RNLS: variants seen among roughly 807,000 people sequenced by gnomAD.
RNLS encodes renalase.
A neutral mutation model predicts 39.8 loss-of-function variants in RNLS; 39 were observed. The observed-to-expected ratio is 0.98, with a 90% CI of 0.76 to 1.28. The LOEUF (loss-of-function observed/expected upper bound fraction) is 1.28, where lower values mean the gene tolerates loss of function less well. RNLS is among the 50% of genes most tolerant of loss of function. The pLI, the probability that RNLS is intolerant of heterozygous loss-of-function variation, is 0.00. For missense variants in RNLS, 410 were observed against 413.3 expected (o/e 0.99, Z 0.07); for synonymous variants, 147 against 150.7 (o/e 0.98, Z 0.18).
At chr10:88,174,499 G>A in the RNLS span, among the ~76,000 whole-genome samples, 3 of 151,896 alleles carry the variant, frequency 2.0e-5, no homozygotes, top group Non-Finnish European at 4.4e-5. Context: ...AGGCTTTTTC[G>A]GCATCTATTG....
chr10:88,455,292 A>G (rs1311409840), intron 4 of RNLS, among the ~76,000 whole-genome samples: 1 of 152,222 alleles, frequency 6.6e-6, no homozygotes, highest in African/African-American at 2.4e-5. Context: ...TTTCTAGAAA[A>G]TTTATAGAAA....
chr10:88,320,780 G>A (rs548431145), intron 5 of RNLS, among the ~76,000 whole-genome samples: 8 of 148,012 alleles, frequency 5.4e-5, no homozygotes, highest in Non-Finnish European at 1.2e-4. Flanking sequence ...ACTCAACATC[G>A]GAGCACCAAG....
rs192603560 is a variant in RNLS, at chr10:88,284,781, C to T, written c.*573G>A. The T allele has an allele frequency of 2.0e-6, 2 of 985,164 alleles. No homozygotes were observed. The highest frequency in any genetic ancestry group is 6.2e-5 in the Admixed American group (1 of 16,246). 61.0% of individuals were successfully genotyped at this position (985,164 alleles called of 1,614,324 possible). Reference sequence around the variant, plus strand: ...AAAATCTGAAGGAAGGTCTCTTTATCAGTCAAGTTGCCCTCCACACTAAGA... The same window carrying T: ...AAAATCTGAAGGAAGGTCTCTTTATTAGTCAAGTTGCCCTCCACACTAAGA... On this transcript the variant is annotated 3_prime_UTR_variant, in exon 7 of 7. Coordinates refer to ENST00000331772, the MANE Select transcript of RNLS (RefSeq NM_001031709.3).
the RNLS span, among the ~76,000 whole-genome samples, chr10:88,218,631 C>T: frequency 6.6e-6 from 1 of 152,178 alleles, no homozygotes; most frequent in Non-Finnish European, 1.5e-5. Flanking sequence ...GCCTCCCAGG[C>T]CTATCTCTTC....
At chr10:88,275,093 C>G in intron 6 of RNLS, 2 of 1,147,352 alleles carry the variant, frequency 1.7e-6, no homozygotes, top group South Asian at 2.5e-5. Context: ...CCTCTGACAC[C>G]TTGTCTACAC....
chr10:88,306,982 T>C (rs1431758971), intron 6 of RNLS, among the ~76,000 whole-genome samples: 1 of 152,204 alleles, frequency 6.6e-6, no homozygotes, highest in Non-Finnish European at 1.5e-5. Flanking sequence ...CATGATCAAG[T>C]AGGCTTTATC....
At chr10:88,454,676 G>A (rs926655563) in intron 4 of RNLS, among the ~76,000 whole-genome samples, 1 of 152,180 alleles carries the variant, frequency 6.6e-6, no homozygotes, top group African/African-American at 2.4e-5. Context: ...TCACTCAGGG[G>A]AAACATATTA....
intron 4 of RNLS, among the ~76,000 whole-genome samples, chr10:88,365,352 A>G (rs1359849615): frequency 7.0e-6 from 1 of 142,864 alleles, no homozygotes; most frequent in Non-Finnish European, 1.5e-5. Context: ...AACCAGCCCT[A>G]GGTCCCACAT....
In RNLS at chr10:88,284,139, G is replaced by A. The variant is rs1843122078; in HGVS notation, c.*1215C>T. 28 of 984,982 alleles carry A rather than the reference G, an allele frequency of 2.8e-5. No individual in the cohort carries two copies. Among genetic ancestry groups the A allele is most frequent in the Middle Eastern group, 1.0e-3 (2 of 1,914 alleles). The allele number at this position is 984,982 out of a possible 1,614,324, so 61.0% of individuals were successfully genotyped here. On this transcript the variant is annotated 3_prime_UTR_variant, in exon 7 of 7. Transcript: ENST00000331772. The stretch of plus-strand genomic sequence containing the variant: ...TTTTTCACCAATTTATTGCTAAGAG[G>A]AAACATATAATAATATGCTATAGGG...
At chr10:88,354,506 G>T (rs1848989101) in intron 5 of RNLS, among the ~76,000 whole-genome samples, 1 of 152,138 alleles carries the variant, frequency 6.6e-6, no homozygotes, top group Admixed American at 6.5e-5. Flanking sequence ...GAAATTCTGG[G>T]TTGAAAATTC....
At chr10:88,207,907 CT>C in the RNLS span, among the ~76,000 whole-genome samples, 1 of 152,088 alleles carries the variant, frequency 6.6e-6, no homozygotes, top group Non-Finnish European at 1.5e-5. Context: ...TAGGACTTCC[CT>C]GCTTTTGAGA....
At chr10:88,356,006 G>A (rs1357204318) in intron 5 of RNLS, among the ~76,000 whole-genome samples, 4 of 152,238 alleles carry the variant, frequency 2.6e-5, no homozygotes, top group Admixed American at 2.0e-4. Context: ...GTGGGCATGG[G>A]ACCCTCTGAT....
chr10:88,516,229 G>A lies in RNLS; in HGVS notation c.526+56674C>T, dbSNP rs530496709. Among the ~76,000 whole-genome samples the A allele has an allele frequency of 3.4e-4, 52 of 152,066 alleles. 1 individual carries two copies. In the South Asian group the frequency reaches 0.01, roughly 30 times the overall value. On this transcript the variant is annotated intron_variant, in intron 4 of 6. Coordinates refer to ENST00000331772, the MANE Select transcript of RNLS (RefSeq NM_001031709.3). ...CTAACACAAAGGGTTAGAAGATATA[G>A]AAGGAAAAATGGTTGGATAAGGAAA... is the stretch of plus-strand genomic sequence containing the variant.
At chr10:88,406,333 AT>A (rs1177541869) in intron 4 of RNLS, among the ~76,000 whole-genome samples, 2 of 152,058 alleles carry the variant, frequency 1.3e-5, no homozygotes, top group Non-Finnish European at 2.9e-5. Flanking sequence ...AGCTTTTAGA[AT>A]TCTCTTCTTC....
intron 5 of RNLS, among the ~76,000 whole-genome samples, chr10:88,322,183 ATAT>A (rs905709795): frequency 1.7e-4 from 26 of 152,220 alleles, no homozygotes; most frequent in Non-Finnish European, 5.9e-5. Flanking sequence ...AACAAAAACC[ATAT>A]TATTATCTCA....
At chr10:88,502,268 T>C (rs1384873558) in intron 4 of RNLS, among the ~76,000 whole-genome samples, 1 of 141,546 alleles carries the variant, frequency 7.1e-6, no homozygotes, top group Non-Finnish European at 1.5e-5. Flanking sequence ...AATGTGGCAG[T>C]GTAAGGAGGA....
intron 4 of RNLS, among the ~76,000 whole-genome samples, chr10:88,421,934 C>T (rs1854435143): frequency 6.6e-6 from 1 of 152,156 alleles, no homozygotes; most frequent in African/African-American, 2.4e-5. Flanking sequence ...CTTTACTGCT[C>T]ATTATACAAG....
chr10:88,559,842 T>C (rs1849075380), intron 4 of RNLS, among the ~76,000 whole-genome samples: 2 of 152,076 alleles, frequency 1.3e-5, no homozygotes, highest in African/African-American at 4.8e-5. Flanking sequence ...TTAATTAAAG[T>C]TGTGATAAGT....
chr10:88,263,181 T>A, the RNLS span, among the ~76,000 whole-genome samples: 1 of 152,020 alleles, frequency 6.6e-6, no homozygotes, highest in Non-Finnish European at 1.5e-5. Flanking sequence ...CCAATAGATA[T>A]TCAAGGAAAA....
Sources: allele counts gnomAD v4.1 joint callset (sites outside exome capture counted in the v4.1 genomes callset), GRCh38; gene constraint gnomAD v4.1.1; transcripts MANE v1.5; gene names NCBI Gene and HGNC (gene_info 2026-07-23, HGNC 2026-07-21).